The following LRP1B variants were observed in gnomAD, a reference collection of about 807,000 sequenced individuals.
The protein encoded by LRP1B is low-density lipoprotein receptor-related protein 1B.
Under a neutral mutation model 556.6 loss-of-function variants are expected in LRP1B, and 217 were observed. The ratio of observed to expected loss-of-function variants is 0.39; its 90% CI spans 0.35 to 0.44. LRP1B has a LOEUF of 0.44. Ranked by LOEUF, LRP1B falls within the 20% of genes least tolerant of loss-of-function variation. The pLI, the probability that LRP1B is intolerant of heterozygous loss-of-function variation, is 1.00. For missense variants in LRP1B, 5,053 were observed against 5,620.8 expected, an observed-to-expected ratio of 0.90 and a Z score of 3.23; for synonymous variants, 2,047 against 1,865.8, an observed-to-expected ratio of 1.10 and a Z score of -2.50.
At chr2:140,488,823 T>C (rs1688584296) in intron 57 of LRP1B, among the ~76,000 whole-genome samples, 1 of 152,002 alleles carries the variant, frequency 6.6e-6, no homozygotes, top group East Asian at 1.9e-4. Flanking sequence ...GGGAAATGTA[T>C]GAGTAGCTGT....
chr2:140,723,741 T>G (rs1391419647), intron 35 of LRP1B, among the ~76,000 whole-genome samples: 1 of 152,218 alleles, frequency 6.6e-6, no homozygotes. Context: ...TAAGTATAAA[T>G]GTGGCTTTAT....
In LRP1B at chr2:141,209,748, GAAGGAAAAAGAA is replaced by G. The variant is rs565137774; in HGVS notation, c.850+19423_850+19434del. ...TACATCTACTGTAAGCAGTTAAGAG[GAAGGAAAAAGAA>G]AAGGAGAAAGTTAAGGGAAGAGACA... On this transcript the variant is annotated intron_variant, in intron 6 of 90. Transcript: ENST00000389484. 9.9e-5 allele frequency among the ~76,000 whole-genome samples: 15 copies of G among 152,188 alleles called. No individual in the cohort carries two copies. In the South Asian group the frequency reaches 3.1e-3, roughly 32 times the overall value.
chr2:141,403,826 T>C (rs920565327), intron 3 of LRP1B, among the ~76,000 whole-genome samples: 1 of 152,188 alleles, frequency 6.6e-6, no homozygotes, highest in African/African-American at 2.4e-5. Flanking sequence ...TTATCTCACA[T>C]GTATGTATAG....
intron 18 of LRP1B, among the ~76,000 whole-genome samples, chr2:140,977,243 AG>A (rs1207078006): frequency 1.3e-5 from 2 of 152,064 alleles, no homozygotes; most frequent in African/African-American, 4.8e-5. Flanking sequence ...ATGAGATCTG[AG>A]GGTATCATTA....
chr2:141,853,000 G>A lies in LRP1B; in HGVS notation c.83-42599C>T, dbSNP rs191163896. On this transcript the variant is annotated intron_variant, in intron 1 of 90. Coordinates refer to ENST00000389484, the MANE Select transcript of LRP1B (RefSeq NM_018557.3). ...TTACAAATATATACATTAAAAAAAT[G>A]GAAATAAAGAAAAACAATATCTATA... 2.6e-3 allele frequency among the ~76,000 whole-genome samples: 390 copies of A among 151,384 alleles called. 2 individuals carry two copies. The highest frequency in any genetic ancestry group is 9.1e-3 in the African/African-American group (378 of 41,368).
chr2:141,727,914 A>G (rs918776594), intron 2 of LRP1B, among the ~76,000 whole-genome samples: 4 of 152,072 alleles, frequency 2.6e-5, no homozygotes, highest in African/African-American at 9.7e-5. Context: ...AAAGAGGAGG[A>G]GGATTCTGTT....
intron 1 of LRP1B, among the ~76,000 whole-genome samples, chr2:142,125,967 A>G (rs530810606): frequency 6.6e-6 from 1 of 152,048 alleles, no homozygotes; most frequent in Admixed American, 6.5e-5. Context: ...TTTTAAAACT[A>G]TCTAAGGTAG....
chr2:141,122,478 AG>A (rs1427161179), intron 7 of LRP1B, among the ~76,000 whole-genome samples: 5 of 152,092 alleles, frequency 3.3e-5, no homozygotes, highest in African/African-American at 1.2e-4. Flanking sequence ...ACATTTATGC[AG>A]CCAACAGACA....
chr2:141,047,047 A>AAGACTCTAT (rs750622776), intron 11 of LRP1B, among the ~76,000 whole-genome samples: 10 of 140,962 alleles, frequency 7.1e-5, no homozygotes, highest in Admixed American at 1.4e-4. Context: ...GCAGCACTGC[A>AAGACTCTAT]CAAAAATTAA....
rs558042717 is a variant in LRP1B, at chr2:140,253,132, A to G, written c.13248-5970T>C. On this transcript the variant is annotated intron_variant, in intron 86 of 90. Coordinates refer to ENST00000389484, the MANE Select transcript of LRP1B (RefSeq NM_018557.3). The stretch of plus-strand genomic sequence containing the variant: ...AATTTATGTCTGTTGTAATAAATTT[A>G]CTTGATTCAACTCTATAATACACTA... 1.6e-4 allele frequency among the ~76,000 whole-genome samples: 24 copies of G among 152,138 alleles called. 1 individual carries two copies. The South Asian group carries it at 5.0e-3, about 32-fold the overall frequency.
intron 1 of LRP1B, among the ~76,000 whole-genome samples, chr2:141,891,706 C>T (rs1699296400): frequency 6.6e-6 from 1 of 152,058 alleles, no homozygotes. Flanking sequence ...GCATTTTATG[C>T]ATCTAAGCAA....
At chr2:141,250,259 G>A (rs1684211775) in intron 4 of LRP1B, among the ~76,000 whole-genome samples, 2 of 152,164 alleles carry the variant, frequency 1.3e-5, no homozygotes, top group South Asian at 4.1e-4. Flanking sequence ...GGTGACTCAG[G>A]GTGGGGCCCC....
intron 25 of LRP1B, among the ~76,000 whole-genome samples, chr2:140,883,380 A>T (rs964454838): frequency 2.0e-5 from 3 of 152,176 alleles, no homozygotes; most frequent in African/African-American, 7.2e-5. Context: ...AACATAAAAA[A>T]TAAATAAAGG....
At chr2:140,302,246 T>C (rs1683864930) in intron 83 of LRP1B, among the ~76,000 whole-genome samples, 2 of 152,168 alleles carry the variant, frequency 1.3e-5, no homozygotes, top group Admixed American at 1.3e-4. Flanking sequence ...TAAATGCCTC[T>C]GTCCCAATTT....
At chr2:140,562,219 G>A (rs1680957202) in intron 43 of LRP1B, among the ~76,000 whole-genome samples, 1 of 152,020 alleles carries the variant, frequency 6.6e-6, no homozygotes, top group Non-Finnish European at 1.5e-5. Flanking sequence ...TTGTGACTCA[G>A]TATGATTTTT....
chr2:141,221,714 C>T (rs1177338159), intron 6 of LRP1B, among the ~76,000 whole-genome samples: 1 of 152,090 alleles, frequency 6.6e-6, no homozygotes, highest in Non-Finnish European at 1.5e-5. Flanking sequence ...TAACTGAAAT[C>T]ATTACCAACT....
chr2:141,645,793 C>T (rs1027794680), intron 2 of LRP1B, among the ~76,000 whole-genome samples: 2 of 151,806 alleles, frequency 1.3e-5, no homozygotes, highest in Non-Finnish European at 2.9e-5. Context: ...TTTCAAACAA[C>T]GTCAAGGATA....
intron 3 of LRP1B, among the ~76,000 whole-genome samples, chr2:141,463,194 C>T (rs1391697432): frequency 6.6e-6 from 1 of 152,074 alleles, no homozygotes; most frequent in Non-Finnish European, 1.5e-5. Context: ...TAAAACAAAG[C>T]TTGAAAGAGT....
intron 41 of LRP1B, among the ~76,000 whole-genome samples, chr2:140,682,924 C>T (rs1211236400): frequency 6.6e-6 from 1 of 152,120 alleles, no homozygotes; most frequent in East Asian, 1.9e-4. Context: ...GAGCCTGATT[C>T]TTCCTTATAT....
Sources: allele counts gnomAD v4.1 joint callset (sites outside exome capture counted in the v4.1 genomes callset), GRCh38; gene constraint gnomAD v4.1.1; transcripts MANE v1.5; gene names NCBI Gene and HGNC (gene_info 2026-07-23, HGNC 2026-07-21).